TNRC6B: variants seen among roughly 807,000 people sequenced by gnomAD.
The protein encoded by TNRC6B is trinucleotide repeat-containing gene 6B protein.
In TNRC6B, 52 loss-of-function variants were observed where a neutral mutation model predicts 203.6. The ratio of observed to expected loss-of-function variants is 0.26; its 90% CI spans 0.20 to 0.32. TNRC6B has a LOEUF of 0.32. TNRC6B is among the 10% of genes least tolerant of loss of function. TNRC6B has a pLI of 1.00. For synonymous variants in TNRC6B, 838 were observed against 845.7 expected, an observed-to-expected ratio of 0.99 and a Z score of 0.16; for missense variants, 1,923 against 2,286.2, an observed-to-expected ratio of 0.84 and a Z score of 3.24.
chr22:40,207,418 A>AAAATAT (rs1475466762), intron 1 of TNRC6B, among the ~76,000 whole-genome samples: 6 of 128,882 alleles, frequency 4.7e-5, no homozygotes, highest in East Asian at 2.1e-4. Flanking sequence ...AAAAAAAAAA[A>AAAATAT]ATATATATAT....
At chr22:40,210,125 G>A (rs1014576789) in intron 1 of TNRC6B, among the ~76,000 whole-genome samples, 2 of 152,052 alleles carry the variant, frequency 1.3e-5, no homozygotes, top group Admixed American at 6.6e-5. Flanking sequence ...CCTTGCTTGT[G>A]GGATGCCCGC....
At chr22:40,147,964 G>A (rs1054718320) in intron 3 of TNRC6B, among the ~76,000 whole-genome samples, 1 of 152,140 alleles carries the variant, frequency 6.6e-6, no homozygotes, top group African/African-American at 2.4e-5. Flanking sequence ...TTGTGGTAGT[G>A]GTTGCACAAT....
At chr22:40,114,452 C>T (rs2068369450) in intron 1 of TNRC6B, among the ~76,000 whole-genome samples, 1 of 152,160 alleles carries the variant, frequency 6.6e-6, no homozygotes, top group Non-Finnish European at 1.5e-5. Context: ...TCTTTAGTAG[C>T]TGAGACTACA....
At chr22:40,185,476 C>T (rs2069188917) in intron 1 of TNRC6B, among the ~76,000 whole-genome samples, 1 of 152,172 alleles carries the variant, frequency 6.6e-6, no homozygotes, top group African/African-American at 2.4e-5. Flanking sequence ...AGGAGAGACA[C>T]TGATTTTAAC....
At chr22:40,256,492 T>G (rs772860067) in intron 3 of TNRC6B, among the ~76,000 whole-genome samples, 1 of 152,208 alleles carries the variant, frequency 6.6e-6, no homozygotes, top group South Asian at 2.1e-4. Flanking sequence ...TAAGAATATT[T>G]TCTACGTTTT....
At chr22:40,176,947 C>G (rs1348243840), upstream of TNRC6B, among the ~76,000 whole-genome samples, 3 of 152,150 alleles carry the variant, frequency 2.0e-5, no homozygotes, top group Non-Finnish European at 4.4e-5. Flanking sequence ...GAAGCCCAAT[C>G]TCCGCCGGCT....
intron 1 of TNRC6B, among the ~76,000 whole-genome samples, chr22:40,197,266 G>C (rs2069349927): frequency 6.6e-6 from 1 of 151,206 alleles, no homozygotes; most frequent in Non-Finnish European, 1.5e-5. Flanking sequence ...TCCCTGGCTG[G>C]CTGCTGAAAG....
chr22:40,210,775 T>A (rs888920253), intron 1 of TNRC6B, among the ~76,000 whole-genome samples: 4 of 152,190 alleles, frequency 2.6e-5, no homozygotes, highest in African/African-American at 4.8e-5. Flanking sequence ...ACCTGTCACC[T>A]TAGTCCAGGA....
intron 3 of TNRC6B, among the ~76,000 whole-genome samples, chr22:40,146,551 C>A (rs1055421832): frequency 6.8e-6 from 1 of 147,528 alleles, no homozygotes; most frequent in Non-Finnish European, 1.5e-5. Context: ...TGTGCCACCA[C>A]GCCCGGCTAA....
At chr22:40,058,127 A>C (rs75942214) in intron 1 of TNRC6B, among the ~76,000 whole-genome samples, 22,551 of 152,292 alleles carry the variant, frequency 0.15, 2,187 homozygotes, top group South Asian at 0.25. Flanking sequence ...TAAACCATGC[A>C]GGTGGGTCTG....
chr22:40,093,433 A>G (rs1187234616), intron 1 of TNRC6B, among the ~76,000 whole-genome samples: 1 of 152,232 alleles, frequency 6.6e-6, no homozygotes, highest in African/African-American at 2.4e-5. Context: ...TGAAATAACT[A>G]AATCGTCTGA....
chr22:40,146,012 A>AC (rs2068692490), intron 3 of TNRC6B, among the ~76,000 whole-genome samples: 1 of 152,182 alleles, frequency 6.6e-6, no homozygotes, highest in African/African-American at 2.4e-5. Flanking sequence ...TAATAGTGGA[A>AC]ACTGTGAGAT....
chr22:40,110,753 T>G (rs1436273204), intron 1 of TNRC6B, among the ~76,000 whole-genome samples: 1 of 152,232 alleles, frequency 6.6e-6, no homozygotes, highest in East Asian at 1.9e-4. Flanking sequence ...AGTCCCAAAG[T>G]TTCCTTCACT....
chr22:40,174,867 C>A, upstream of TNRC6B, among the ~76,000 whole-genome samples: 1 of 150,834 alleles, frequency 6.6e-6, no homozygotes. Context: ...CCTTACCTTA[C>A]AATAATATAA....
At chr22:40,145,090 T>TAAAA (rs1555885325) in intron 3 of TNRC6B, among the ~76,000 whole-genome samples, 4 of 120,608 alleles carry the variant, frequency 3.3e-5, no homozygotes, top group African/African-American at 1.3e-4. Context: ...AAAAAAAATT[T>TAAAA]TTTTAATTAG....
chr22:40,150,305 A>G (rs2068739077), intron 3 of TNRC6B, among the ~76,000 whole-genome samples: 3 of 152,068 alleles, frequency 2.0e-5, no homozygotes, highest in Admixed American at 6.6e-5. Flanking sequence ...GTGAACCCGG[A>G]AGGCAGAGCT....
chr22:40,207,973 G>A (rs2069504838), intron 1 of TNRC6B, among the ~76,000 whole-genome samples: 1 of 151,824 alleles, frequency 6.6e-6, no homozygotes, highest in African/African-American at 2.4e-5. Flanking sequence ...AATTAGCCGG[G>A]CATGGTGGCG....
At chr22:40,298,344 G>A (rs1260662820) in intron 12 of TNRC6B, among the ~76,000 whole-genome samples, 2 of 152,106 alleles carry the variant, frequency 1.3e-5, no homozygotes, top group African/African-American at 4.8e-5. Flanking sequence ...AATGCTTAGG[G>A]TCTACTTGGT....
chr22:40,259,042 T>C (rs1255979706), intron 3 of TNRC6B, among the ~76,000 whole-genome samples: 3 of 152,174 alleles, frequency 2.0e-5, no homozygotes, highest in Admixed American at 6.5e-5. Flanking sequence ...GATGAATTTC[T>C]CCAGTCTCTG....
Sources: allele counts gnomAD v4.1 joint callset (sites outside exome capture counted in the v4.1 genomes callset), GRCh38; gene constraint gnomAD v4.1.1; transcripts MANE v1.5; gene names NCBI Gene and HGNC (gene_info 2026-07-23, HGNC 2026-07-21).